CNTN6: variants seen among roughly 807,000 people sequenced by gnomAD.
CNTN6 encodes the protein contactin-6.
A neutral mutation model predicts 122.8 loss-of-function variants in CNTN6; 137 were observed. That is an observed-to-expected ratio of 1.12 (90% CI 0.97 to 1.29). The LOEUF is 1.29. Among genes scored for constraint, CNTN6 ranks in the 50% most tolerant of loss-of-function variants. The pLI is 0.00. For missense variants in CNTN6, 1,634 were observed against 1,223.4 expected (o/e 1.34, Z -5.01); for synonymous variants, 570 against 426.0 (o/e 1.34, Z -4.16).
intron 10 of CNTN6, 43 bp downstream of exon 10, chr3:1,327,629 T>C: frequency 6.3e-7 from 1 of 1,595,564 alleles, no homozygotes. Context: ...AATGACGTTT[T>C]AACAAGCTAT....
chr3:1,260,372 G>A (rs2094826002), intron 4 of CNTN6, among the ~76,000 whole-genome samples: 1 of 152,104 alleles, frequency 6.6e-6, no homozygotes, highest in African/African-American at 2.4e-5. Context: ...GTGTCTAGAG[G>A]TGAGTCTTAA....
chr3:1,214,258 G>T (rs1380114986), intron 2 of CNTN6, among the ~76,000 whole-genome samples: 2 of 123,362 alleles, frequency 1.6e-5, no homozygotes, highest in East Asian at 2.9e-4. Flanking sequence ...TTTTATATTA[G>T]TTTTTTTAAT....
chr3:1,386,605 G>C (rs1261310452), intron 20 of CNTN6, among the ~76,000 whole-genome samples: 5 of 152,098 alleles, frequency 3.3e-5, no homozygotes, highest in Non-Finnish European at 7.4e-5. Flanking sequence ...GTTCCTGTAA[G>C]ATGATTTTTT....
chr3:1,116,071 A>G (rs916556969), intron 1 of CNTN6, among the ~76,000 whole-genome samples: 6 of 152,198 alleles, frequency 3.9e-5, no homozygotes, highest in African/African-American at 9.6e-5. Context: ...TCCTTTTTGT[A>G]TTCCAAAATT....
intron 1 of CNTN6, among the ~76,000 whole-genome samples, chr3:1,120,863 C>T (rs2091921997): frequency 6.6e-6 from 1 of 151,714 alleles, no homozygotes; most frequent in South Asian, 2.1e-4. Flanking sequence ...AGATCATATT[C>T]CTGGCTAAAT....
Position 1,383,129 on chromosome 3 carries a change from G to A in CNTN6, c.2354G>A (p.Gly785Glu), listed in dbSNP as rs1692187228. The A allele has an allele frequency of 3.7e-6, 6 of 1,614,054 alleles. No individual in the cohort carries two copies. The highest frequency in any genetic ancestry group is 5.1e-6 in the Non-Finnish European group (6 of 1,179,942). The stretch of plus-strand genomic sequence containing the variant: ...AAAGTGGGTGTGTATAATAATGAAG[G>A]AGAAGGATCCCTGAGTACTGTGACC... ...EVKVGVYNNEGEGSLSTVTIV... is the reference protein window; with the variant it reads ...EVKVGVYNNEEEGSLSTVTIV... Residue 785 changes from glycine to glutamate, a missense_variant, in exon 18 of 23, where the codon GGA becomes GAA. By Grantham distance (98) the Gly-to-Glu change is moderately conservative (BLOSUM62 -2). Coordinates refer to ENST00000446702, the MANE Select transcript of CNTN6 (RefSeq NM_001289080.2).
At chr3:1,123,183 A>C (rs1053571325) in intron 1 of CNTN6, among the ~76,000 whole-genome samples, 28 of 151,922 alleles carry the variant, frequency 1.8e-4, no homozygotes, top group African/African-American at 6.8e-4. Context: ...TTTTCTAAAA[A>C]AGCCATTGGA....
chr3:1,344,192 A>G (rs1420719133), intron 11 of CNTN6, among the ~76,000 whole-genome samples: 4 of 152,122 alleles, frequency 2.6e-5, no homozygotes, highest in Admixed American at 6.6e-5. Flanking sequence ...GGGGTTCCGC[A>G]GGAAACAGTG....
At chr3:1,318,968 G>A (rs77478984) in intron 7 of CNTN6, among the ~76,000 whole-genome samples, 2 of 151,628 alleles carry the variant, frequency 1.3e-5, no homozygotes, top group Non-Finnish European at 2.9e-5. Flanking sequence ...TACATTACTC[G>A]TCTAAGAAAG....
intron 2 of CNTN6, among the ~76,000 whole-genome samples, chr3:1,158,951 TATACACACACACACACAC>T (rs1559423152): frequency 1.0e-4 from 12 of 116,694 alleles, no homozygotes; most frequent in African/African-American, 3.5e-4. Context: ...CATATATATA[TATACACACACACACACAC>T]ATATATATAT....
intron 20 of CNTN6, among the ~76,000 whole-genome samples, chr3:1,396,816 A>G (rs910560479): frequency 2.0e-5 from 3 of 152,238 alleles, no homozygotes; most frequent in Non-Finnish European, 4.4e-5. Context: ...GATGATAACC[A>G]TGATTCCAGG....
intron 5 of CNTN6, among the ~76,000 whole-genome samples, chr3:1,280,970 A>C (rs1267046800): frequency 6.6e-6 from 1 of 152,144 alleles, no homozygotes; most frequent in Non-Finnish European, 1.5e-5. Context: ...TCTCACATTT[A>C]GTCCCTCGAA....
At chr3:1,236,071 G>A (rs1452688507) in intron 4 of CNTN6, among the ~76,000 whole-genome samples, 13 of 152,060 alleles carry the variant, frequency 8.5e-5, no homozygotes, top group African/African-American at 2.2e-4. Flanking sequence ...CCCCACCCAA[G>A]GAGAGGCTGA....
intron 7 of CNTN6, among the ~76,000 whole-genome samples, chr3:1,302,711 A>AT (rs1348927963): frequency 2.0e-5 from 3 of 151,798 alleles, no homozygotes; most frequent in African/African-American, 7.3e-5. Context: ...CACTGGGAAT[A>AT]TTTTTTCTCT....
chr3:1,197,765 G>A (rs1002478541), intron 2 of CNTN6, among the ~76,000 whole-genome samples: 4 of 151,804 alleles, frequency 2.6e-5, no homozygotes, highest in Non-Finnish European at 5.9e-5. Flanking sequence ...AAGCCTACAG[G>A]GACATCAAAA....
chr3:1,317,888 TAAA>T (rs76953561), intron 7 of CNTN6, among the ~76,000 whole-genome samples: 28 of 130,714 alleles, frequency 2.1e-4, no homozygotes, highest in East Asian at 2.1e-4. Flanking sequence ...AAATGCAGGT[TAAA>T]AAAAAAAAAA....
chr3:1,330,054 C>G, intron 11 of CNTN6, 119 bp downstream of exon 11: 1 of 614,022 alleles, frequency 1.6e-6, no homozygotes, highest in Non-Finnish European at 2.6e-6. Flanking sequence ...ATTGGCATAC[C>G]TAGAGACGCC....
intron 2 of CNTN6, among the ~76,000 whole-genome samples, chr3:1,210,142 C>T (rs1482548801): frequency 1.3e-5 from 2 of 152,152 alleles, no homozygotes; most frequent in African/African-American, 2.4e-5. Flanking sequence ...CATCAACAGG[C>T]AGTGGGATCT....
At chr3:1,118,299 T>C (rs904998101) in intron 1 of CNTN6, among the ~76,000 whole-genome samples, 2 of 152,152 alleles carry the variant, frequency 1.3e-5, no homozygotes, top group East Asian at 1.9e-4. Flanking sequence ...TAGGGAAAGA[T>C]AGTGCTCTGA....
Sources: gnomAD v4.1 joint callset for allele counts (sites outside exome capture counted in the v4.1 genomes callset) on GRCh38, gnomAD v4.1.1 for gene constraint, MANE v1.5 for transcripts, NCBI Gene and HGNC (gene_info 2026-07-23, HGNC 2026-07-21) for gene names.